AVEN: variants seen among roughly 807,000 people sequenced by gnomAD.
AVEN encodes the protein cell death regulator Aven.
Under a neutral mutation model 38.1 loss-of-function variants are expected in AVEN, and 41 were observed. The ratio of observed to expected loss-of-function variants is 1.08; its 90% CI spans 0.84 to 1.40. The LOEUF (loss-of-function observed/expected upper bound fraction) is 1.40. Ranked by LOEUF, AVEN falls within the 40% of genes most tolerant of loss-of-function variation. The pLI, the probability that AVEN is intolerant of heterozygous loss-of-function variation, is 0.00. For synonymous variants in AVEN, 206 were observed against 171.8 expected (o/e 1.20, Z -1.56); for missense variants, 605 against 438.8 (o/e 1.38, Z -3.38).
At chr15:34,021,963 C>T (rs942162222) in intron 1 of AVEN, among the ~76,000 whole-genome samples, 2 of 152,188 alleles carry the variant, frequency 1.3e-5, no homozygotes, top group Non-Finnish European at 2.9e-5. Context: ...TTCTTAAAGT[C>T]CATAGAAAGC....
At chr15:34,053,344 G>A (rs1453251271) in intron 5 of AVEN, among the ~76,000 whole-genome samples, 5 of 85,278 alleles carry the variant, frequency 5.9e-5, no homozygotes, top group Non-Finnish European at 1.0e-4. Context: ...ATATATATAT[G>A]GAACTGAAAA....
chr15:34,020,339 T>G (rs1049174024), intron 1 of AVEN, among the ~76,000 whole-genome samples: 1 of 152,160 alleles, frequency 6.6e-6, no homozygotes, highest in Non-Finnish European at 1.5e-5. Flanking sequence ...AATAGAGGTT[T>G]TAAAAGGATA....
upstream of AVEN, among the ~76,000 whole-genome samples, chr15:34,075,263 G>A (rs1259947456): frequency 1.3e-5 from 2 of 150,656 alleles, no homozygotes; most frequent in Non-Finnish European, 1.5e-5. Context: ...TCACAGTTCC[G>A]CATGGCTTGG....
At chr15:34,037,233 C>T (rs1899185090) in intron 1 of AVEN, among the ~76,000 whole-genome samples, 1 of 152,078 alleles carries the variant, frequency 6.6e-6, no homozygotes, top group Non-Finnish European at 1.5e-5. Context: ...GTCCTGTGCG[C>T]CAGACACCAT....
chr15:33,900,355 T>A (rs966501177), intron 2 of AVEN, among the ~76,000 whole-genome samples: 11 of 151,722 alleles, frequency 7.3e-5, no homozygotes, highest in Admixed American at 2.0e-4. Flanking sequence ...GCACCCAGGC[T>A]GGAGTGCAGT....
At chr15:33,933,522 CACAGAGAGAGAGAGAGAG>C (rs1197283638) in intron 2 of AVEN, among the ~76,000 whole-genome samples, 852 of 53,034 alleles carry the variant, frequency 0.016, 4 homozygotes, top group East Asian at 0.033. Flanking sequence ...CACACACACA[CACAGAGAGAGAGAGAGAG>C]AGAGAGAGAG....
At chr15:34,042,102 C>CA (rs2140806393), upstream of AVEN, among the ~76,000 whole-genome samples, 1 of 152,250 alleles carries the variant, frequency 6.6e-6, no homozygotes, top group South Asian at 2.1e-4. Context: ...GATTCTGGTC[C>CA]AAAAATGTGT....
rs1402221451 is a variant in AVEN at position 34,055,123 on chromosome 15, C to T, written n.1637+7799G>A. Among the ~76,000 whole-genome samples, 8 of 146,370 alleles carry T rather than the reference C, an allele frequency of 5.5e-5. No homozygotes were observed. In the East Asian group the frequency reaches 1.0e-3, roughly 19 times the overall value. On this transcript the variant is annotated intron_variant and non_coding_transcript_variant, in intron 5 of 11. Transcript: ENST00000675287. ...AGGAGAATCACTTGAACCCGGGAGG[C>T]GGCGATTGCGGTGAGCCGAGATCAC...
intron 2 of AVEN, among the ~76,000 whole-genome samples, chr15:33,909,377 G>GC (rs1381907160): frequency 6.6e-6 from 1 of 152,112 alleles, no homozygotes; most frequent in Non-Finnish European, 1.5e-5. Context: ...TAACCTATTT[G>GC]CCCATTTGCA....
chr15:33,986,314 T>A (rs1332009512), intron 2 of AVEN, among the ~76,000 whole-genome samples: 1 of 151,962 alleles, frequency 6.6e-6, no homozygotes, highest in African/African-American at 2.4e-5. Flanking sequence ...TTTCACCATG[T>A]TAGCCAGGAT....
In AVEN at chr15:33,871,517, G is replaced by A. The variant is rs972110687; in HGVS notation, c.517-487C>T. The stretch of plus-strand genomic sequence containing the variant: ...TGGGAGGCAGAGGCCGCAGGGAGCC[G>A]AGATCGCAACACTGCAAAACAGCCT... On this transcript the variant is annotated intron_variant, in intron 3 of 5. Coordinates refer to ENST00000306730, the MANE Select transcript of AVEN (RefSeq NM_020371.3). Among the ~76,000 whole-genome samples, 7 of 151,764 alleles carry A rather than the reference G, an allele frequency of 4.6e-5. No homozygotes were observed. In the South Asian group the frequency reaches 1.0e-3, roughly 23 times the overall value.
rs187244539 is a variant in AVEN, at chr15:33,960,539, A to G, written c.445+42493T>C. The stretch of plus-strand genomic sequence containing the variant: ...CAGAACTACATTCATCACTTAGCAC[A>G]TAAGTATCTTATTAATGCTTTGGGA... On this transcript the variant is annotated intron_variant, in intron 2 of 5. Coordinates refer to ENST00000306730, the MANE Select transcript of AVEN (RefSeq NM_020371.3). Among the ~76,000 whole-genome samples the G allele has an allele frequency of 6.6e-5, 10 of 152,350 alleles. No individual in the cohort carries two copies. The East Asian group carries it at 1.2e-3, about 18-fold the overall frequency.
At chr15:33,894,829 CAATA>C (rs1892161794) in intron 2 of AVEN, among the ~76,000 whole-genome samples, 1 of 24,098 alleles carries the variant, frequency 4.1e-5, no homozygotes, top group East Asian at 6.1e-3. Flanking sequence ...AAAATAATAA[CAATA>C]ATAATAATAA....
chr15:33,890,200 T>G (rs761752895), intron 2 of AVEN, among the ~76,000 whole-genome samples: 1 of 152,218 alleles, frequency 6.6e-6, no homozygotes, highest in Non-Finnish European at 1.5e-5. Flanking sequence ...ATAGTGATCT[T>G]ATCTTAGTTG....
chr15:33,973,309 A>AT (rs139343757), intron 2 of AVEN, among the ~76,000 whole-genome samples: 2 of 152,190 alleles, frequency 1.3e-5, no homozygotes, highest in Non-Finnish European at 2.9e-5. Flanking sequence ...TATTTATAGA[A>AT]TTTTTTGGTA....
At chr15:34,035,315 AC>A in intron 1 of AVEN, among the ~76,000 whole-genome samples, 1 of 152,304 alleles carries the variant, frequency 6.6e-6, no homozygotes, top group African/African-American at 2.4e-5. Flanking sequence ...GTCTGGTAAC[AC>A]CCACAATAAC....
chr15:34,057,142 GT>G (rs763552413), intron 5 of AVEN, among the ~76,000 whole-genome samples: 60 of 148,860 alleles, frequency 4.0e-4, no homozygotes, highest in African/African-American at 1.4e-3. Context: ...GTTTTTTTTG[GT>G]TTTTTTTTTT....
intron 2 of AVEN, among the ~76,000 whole-genome samples, chr15:33,941,482 G>A (rs910437248): frequency 2.0e-5 from 3 of 152,290 alleles, no homozygotes; most frequent in African/African-American, 7.2e-5. Context: ...ACTACCACCA[G>A]CTGTCTGGTC....
intron 1 of AVEN, among the ~76,000 whole-genome samples, chr15:34,070,724 C>A (rs1009719339): frequency 6.6e-5 from 10 of 152,132 alleles, no homozygotes; most frequent in Non-Finnish European, 1.5e-4. Flanking sequence ...CCAAGTAGAA[C>A]AAGTTGAACA....
Sources: gnomAD v4.1 joint callset for allele counts (sites outside exome capture counted in the v4.1 genomes callset) on GRCh38, gnomAD v4.1.1 for gene constraint, MANE v1.5 for transcripts, NCBI Gene and HGNC (gene_info 2026-07-23, HGNC 2026-07-21) for gene names.